Variants in EFCAB11 observed in about 807,000 individuals in gnomAD.
EFCAB11 encodes EF-hand calcium-binding domain-containing protein 11.
A neutral mutation model predicts 23.0 loss-of-function variants in EFCAB11; 14 were observed. The observed-to-expected ratio is 0.61, with a 90% CI of 0.40 to 0.95. The LOEUF (loss-of-function observed/expected upper bound fraction) is 0.95, where lower values mean the gene tolerates loss of function less well. Among genes scored for constraint, EFCAB11 ranks in the 40% least tolerant of loss-of-function variants. The pLI, the probability that EFCAB11 is intolerant of heterozygous loss-of-function variation, is 0.00. For synonymous variants in EFCAB11, 65 were observed against 66.6 expected, an observed-to-expected ratio of 0.98 and a Z score of 0.11; for missense variants, 198 against 195.8, an observed-to-expected ratio of 1.01 and a Z score of -0.07.
chr14:89,902,582 T>C (rs1487533562), intron 5 of EFCAB11, among the ~76,000 whole-genome samples: 1 of 152,160 alleles, frequency 6.6e-6, no homozygotes, highest in Non-Finnish European at 1.5e-5. Flanking sequence ...ATATAACAAA[T>C]GTGTTCCCTA....
intron 3 of EFCAB11, among the ~76,000 whole-genome samples, chr14:89,934,161 T>C (rs1890496319): frequency 6.6e-6 from 1 of 152,094 alleles, no homozygotes; most frequent in African/African-American, 2.4e-5. Context: ...AACAGAAGGT[T>C]TGAATTGGGA....
At chr14:89,874,442 T>A (rs1333931763) in intron 5 of EFCAB11, among the ~76,000 whole-genome samples, 1 of 152,238 alleles carries the variant, frequency 6.6e-6, no homozygotes, top group Non-Finnish European at 1.5e-5. Flanking sequence ...TATGCAAATT[T>A]CTGCAACCAG....
chr14:89,862,265 T>C (rs1236921758), intron 5 of EFCAB11, among the ~76,000 whole-genome samples: 1 of 152,252 alleles, frequency 6.6e-6, no homozygotes, highest in Non-Finnish European at 1.5e-5. Context: ...GTAACAGTTA[T>C]TATTTTAATT....
intron 5 of EFCAB11, among the ~76,000 whole-genome samples, chr14:89,827,627 T>TC (rs1441606241): frequency 1.5e-5 from 2 of 135,842 alleles, no homozygotes; most frequent in Non-Finnish European, 3.1e-5. Context: ...TTTTATTCAC[T>TC]CTTTTTTTTT....
At chr14:89,924,853 C>T (rs1200556940) in intron 5 of EFCAB11, among the ~76,000 whole-genome samples, 1 of 152,198 alleles carries the variant, frequency 6.6e-6, no homozygotes, top group Non-Finnish European at 1.5e-5. Context: ...ATTTTACTGT[C>T]ACAGGGTATT....
Position 89,856,376 on chromosome 14 carries a change from GAC to G in EFCAB11, c.411-59054_411-59053del, listed in dbSNP as rs1004622664. Among the ~76,000 whole-genome samples, 99 of 152,098 alleles carry G rather than the reference GAC, an allele frequency of 6.5e-4. 1 individual carries two copies. The highest frequency in any genetic ancestry group is 2.3e-3 in the African/African-American group (95 of 41,502). On this transcript the variant is annotated intron_variant, in intron 5 of 5. Coordinates refer to ENST00000316738, the MANE Select transcript of EFCAB11 (RefSeq NM_145231.4). ...CCTAATTTTTGTATTTTTTTGTAGAGACAGAGTTTCACCATGTTGCTCAGGCT... is the reference window on the plus strand; with the variant it reads ...CCTAATTTTTGTATTTTTTTGTAGAGAGAGTTTCACCATGTTGCTCAGGCT...
intron 5 of EFCAB11, chr14:89,931,266 T>C (rs1387711478): frequency 2.7e-6 from 1 of 369,722 alleles, no homozygotes; most frequent in South Asian, 6.3e-5. Context: ...GAAGAAGTTC[T>C]TTCTTCCTGT....
At chr14:89,915,206 C>A (rs1184503835) in intron 5 of EFCAB11, among the ~76,000 whole-genome samples, 1 of 152,166 alleles carries the variant, frequency 6.6e-6, no homozygotes. Context: ...AGATGTTACA[C>A]AACTTTGCAA....
chr14:89,854,885 T>C (rs915807476), intron 5 of EFCAB11, among the ~76,000 whole-genome samples: 2 of 152,202 alleles, frequency 1.3e-5, no homozygotes, highest in Non-Finnish European at 2.9e-5. Context: ...GCTTAGGGCC[T>C]AGACTCTTGC....
intron 5 of EFCAB11, among the ~76,000 whole-genome samples, chr14:89,926,349 A>G (rs1890193613): frequency 6.6e-6 from 1 of 152,202 alleles, no homozygotes. Context: ...GCAATCACTC[A>G]TTTAAAAATA....
chr14:89,908,097 A>G (rs2140211483), intron 5 of EFCAB11, among the ~76,000 whole-genome samples: 1 of 152,312 alleles, frequency 6.6e-6, no homozygotes, highest in African/African-American at 2.4e-5. Context: ...ATTCACAGTG[A>G]AGAGGAGGGG....
chr14:89,932,408 G>T, intron 4 of EFCAB11, 118 bp downstream of exon 4: 1 of 761,628 alleles, frequency 1.3e-6, no homozygotes, highest in Non-Finnish European at 2.1e-6. Flanking sequence ...AACAGCTAAT[G>T]AATACAGTAA....
At chr14:89,825,599 G>A (rs972791615) in intron 5 of EFCAB11, among the ~76,000 whole-genome samples, 1 of 152,034 alleles carries the variant, frequency 6.6e-6, no homozygotes, top group South Asian at 2.1e-4. Context: ...GGGGAGGGGA[G>A]AAGAAAACCC....
At chr14:89,953,874 AC>A in intron 2 of EFCAB11, 31 bp downstream of exon 2, 1 of 1,574,770 alleles carries the variant, frequency 6.4e-7, no homozygotes, top group Non-Finnish European at 8.7e-7. Context: ...TTGATCGTCT[AC>A]CCCATCCCCA....
chr14:89,895,190 G>A (rs1889116902), intron 5 of EFCAB11, among the ~76,000 whole-genome samples: 1 of 152,172 alleles, frequency 6.6e-6, no homozygotes, highest in Non-Finnish European at 1.5e-5. Context: ...TTATGATGGT[G>A]ACAGCAGTGT....
chr14:89,858,656 A>ATTTTTTTT (rs10648464), intron 5 of EFCAB11, among the ~76,000 whole-genome samples: 5 of 89,010 alleles, frequency 5.6e-5, no homozygotes, highest in South Asian at 3.8e-4. Flanking sequence ...CACCCAGCTA[A>ATTTTTTTT]TTTTTTTTTT....
chr14:89,891,446 T>C (rs1888960367), intron 5 of EFCAB11, among the ~76,000 whole-genome samples: 1 of 152,202 alleles, frequency 6.6e-6, no homozygotes, highest in African/African-American at 2.4e-5. Flanking sequence ...GATATTATGG[T>C]AGAAATCAGA....
chr14:89,859,234 T>C (rs1887847689), intron 5 of EFCAB11, among the ~76,000 whole-genome samples: 1 of 152,224 alleles, frequency 6.6e-6, no homozygotes, highest in Non-Finnish European at 1.5e-5. Context: ...TAATGTGAAT[T>C]AGTCTTTAAA....
intron 5 of EFCAB11, among the ~76,000 whole-genome samples, chr14:89,859,186 C>A (rs142459535): frequency 6.6e-6 from 1 of 152,306 alleles, no homozygotes; most frequent in Admixed American, 6.5e-5. Flanking sequence ...TGGGCACTTA[C>A]ATAATTTCAC....
Sources: allele counts gnomAD v4.1 joint callset (sites outside exome capture counted in the v4.1 genomes callset), GRCh38; gene constraint gnomAD v4.1.1; transcripts MANE v1.5; gene names NCBI Gene and HGNC (gene_info 2026-07-23, HGNC 2026-07-21).